The following DNAH6 variants were observed in gnomAD, a reference collection of about 807,000 sequenced individuals.
DNAH6 encodes dynein axonemal heavy chain 6.
Under a neutral mutation model 491.4 loss-of-function variants are expected in DNAH6, and 340 were observed. The observed-to-expected ratio is 0.69, with a 90% CI of 0.63 to 0.76. DNAH6 has a LOEUF of 0.76. DNAH6 is among the 30% of genes least tolerant of loss of function. The pLI is 0.00. For synonymous variants in DNAH6, 1,603 were observed against 1,686.1 expected, an observed-to-expected ratio of 0.95 and a Z score of 1.21; for missense variants, 4,443 against 4,972.2, an observed-to-expected ratio of 0.89 and a Z score of 3.20.
chr2:84,683,476 G>T (rs1364400072), intron 42 of DNAH6, among the ~76,000 whole-genome samples: 1 of 144,894 alleles, frequency 6.9e-6, no homozygotes, highest in African/African-American at 2.6e-5. Flanking sequence ...AGGCTGGAGT[G>T]CAGTGGCGTG....
intron 49 of DNAH6, among the ~76,000 whole-genome samples, chr2:84,702,861 C>T (rs1257916519): frequency 6.6e-6 from 1 of 152,082 alleles, no homozygotes; most frequent in East Asian, 1.9e-4. Flanking sequence ...GACTCACCTT[C>T]GAAAAACAGT....
rs542095029 is a variant in DNAH6, at chr2:84,819,479, T to A, written c.*71T>A. On this transcript the variant is annotated 3_prime_UTR_variant, in exon 77 of 77. Coordinates refer to ENST00000389394, the MANE Select transcript of DNAH6 (RefSeq NM_001370.2). The stretch of plus-strand genomic sequence containing the variant: ...TCCTAATGGGAGCAAAAGGTTTGAA[T>A]AATTTATATGTGAGCAAAACGGTGT... 1 of 998,998 alleles carries A rather than the reference T, an allele frequency of 1.0e-6. No individual in the cohort carries two copies. The highest frequency in any genetic ancestry group is 1.6e-5 in the African/African-American group (1 of 60,622). The allele number at this position is 998,998 out of a possible 1,614,324, so 61.9% of individuals were successfully genotyped here.
the DNAH6 span, among the ~76,000 whole-genome samples, chr2:84,469,285 C>G: frequency 6.6e-6 from 1 of 152,096 alleles, no homozygotes; most frequent in African/African-American, 2.4e-5. This position sits in a 1 kb window ranked among gnomAD's most constrained non-coding sequence, Gnocchi z 4.0. Flanking sequence ...CCCTAGTGAT[C>G]CAGCTTGTTG....
chr2:84,793,344 T>A (rs983278686), intron 68 of DNAH6, among the ~76,000 whole-genome samples: 2 of 152,236 alleles, frequency 1.3e-5, no homozygotes, highest in African/African-American at 4.8e-5. Context: ...CCTTGTTTAC[T>A]CAGTTTGACC....
intron 42 of DNAH6, among the ~76,000 whole-genome samples, chr2:84,682,507 C>G (rs1693880633): frequency 1.3e-5 from 2 of 152,214 alleles, no homozygotes; most frequent in Non-Finnish European, 2.9e-5. Flanking sequence ...GCTCCCACCC[C>G]TACTCTAAGA....
chr2:84,499,727 C>T, the DNAH6 span, among the ~76,000 whole-genome samples: 19 of 152,284 alleles, frequency 1.2e-4, no homozygotes, highest in South Asian at 3.7e-3. Context: ...GGGATATAAG[C>T]CATTTTCACT....
At chr2:84,678,459 T>A (rs900846179) in intron 41 of DNAH6, among the ~76,000 whole-genome samples, 2 of 152,182 alleles carry the variant, frequency 1.3e-5, no homozygotes, top group African/African-American at 4.8e-5. Context: ...GTGAGGGGTG[T>A]CTCAAGAAAC....
chr2:84,808,524 C>T lies in DNAH6; in HGVS notation c.11721C>T (p.Asn3907=). 1 of 1,551,754 alleles carries T rather than the reference C, an allele frequency of 6.4e-7. No homozygotes were observed. Among genetic ancestry groups the T allele is most frequent in the Non-Finnish European group, 8.7e-7 (1 of 1,146,970 alleles). The part of the protein sequence containing the change: ...VLGQEVDRFN[N]LLKLIHTSLE... ...GACAGGAAGTGGACCGGTTTAACAA[C>T]CTGCTGAAGTTAATTCATGTATGAG... is the stretch of plus-strand genomic sequence containing the variant. Residue 3907 remains asparagine, a synonymous_variant, in exon 72 of 77, where the codon AAC becomes AAT. Transcript: ENST00000389394.
chr2:84,668,204 C>T (rs1692361231), intron 37 of DNAH6, among the ~76,000 whole-genome samples: 1 of 151,996 alleles, frequency 6.6e-6, no homozygotes, highest in African/African-American at 2.4e-5. Context: ...TAAACTTGCA[C>T]GTTGTGCACA....
chr2:84,793,873 T>C (rs1678033538), intron 68 of DNAH6, among the ~76,000 whole-genome samples: 1 of 152,138 alleles, frequency 6.6e-6, no homozygotes, highest in Non-Finnish European at 1.5e-5. Flanking sequence ...AAGAAATAAA[T>C]TATTGAGATT....
In DNAH6 at chr2:84,557,757, A is replaced by G. The variant is rs1472132129; in HGVS notation, c.1625A>G (p.Asn542Ser). The change falls in exon 11 of 77, where the codon AAT becomes AGT. Residue 542 changes from asparagine (N) to serine (S), a missense_variant. Around this residue, in one of 3 missense-constraint regions of DNAH6, gnomAD observed 2,977 missense variants for 3,296.6 expected, o/e 0.90. Transcript: ENST00000389394. ...CAGGATGGTATTTTGGGTGCAGTTA[A>G]TCACTGTCAAAACACTGTGTTATCA... ...DFLDGILGAV[N>S]HCQNTVLSVP... 1.2e-6 allele frequency: 2 copies of G among 1,601,292 alleles called. No homozygotes were observed. Among genetic ancestry groups the G allele is most frequent in the African/African-American group, 1.3e-5 (1 of 74,458 alleles).
chr2:84,642,090 A>G (rs1460136733), intron 33 of DNAH6, 36 bp downstream of exon 33: 10 of 1,358,262 alleles, frequency 7.4e-6, no homozygotes, highest in Non-Finnish European at 1.0e-5. Context: ...AAGCATGGCT[A>G]TCACGTAGAG....
intron 4 of DNAH6, among the ~76,000 whole-genome samples, chr2:84,540,656 A>C (rs974881857): frequency 6.6e-6 from 1 of 152,288 alleles, no homozygotes; most frequent in Non-Finnish European, 1.5e-5. Context: ...TTGACCTACC[A>C]CAAGGGCCCC....
chr2:84,510,220 C>T, the DNAH6 span, among the ~76,000 whole-genome samples: 3 of 152,164 alleles, frequency 2.0e-5, no homozygotes, highest in Non-Finnish European at 2.9e-5. Flanking sequence ...AAAAATCAGA[C>T]GTAGATTTGG....
rs1466897343 is a variant in DNAH6, at chr2:84,816,054, G to A, written c.12344G>A (p.Gly4115Glu). ...TLYHCPLYKT[G>E]ARAGTLSTTG... is the part of the protein sequence containing the mutation. ...TACCACTGCCCACTTTATAAAACAG[G>A]AGCCCGGGCAGGAACACTCTCAACC... The change falls in exon 76 of 77, where the codon GGA (glycine) becomes GAA (glutamate). Residue 4115 changes from glycine to glutamate, a missense_variant. Around this residue, in one of 3 missense-constraint regions of DNAH6, gnomAD observed 1,463 missense variants for 1,656.6 expected, o/e 0.88. Transcript: ENST00000389394. 6.4e-7 allele frequency: 1 copy of A among 1,551,500 alleles called. No homozygotes were observed. The highest frequency in any genetic ancestry group is 8.7e-7 in the Non-Finnish European group (1 of 1,146,932).
chr2:84,784,150 G>A (rs1676957681), intron 65 of DNAH6, among the ~76,000 whole-genome samples: 1 of 152,186 alleles, frequency 6.6e-6, no homozygotes, highest in Non-Finnish European at 1.5e-5. Flanking sequence ...TTGGCCTTTT[G>A]AACCTACAGT....
the DNAH6 span, among the ~76,000 whole-genome samples, chr2:84,476,881 C>G: frequency 1.3e-5 from 2 of 152,198 alleles, no homozygotes; most frequent in African/African-American, 4.8e-5. Context: ...TTCACTTTGT[C>G]CTGTTGTTAC....
chr2:84,570,894 C>A (rs187670760), intron 11 of DNAH6, among the ~76,000 whole-genome samples: 1 of 152,250 alleles, frequency 6.6e-6, no homozygotes, highest in Non-Finnish European at 1.5e-5. Context: ...GGAAGGTCTG[C>A]GGCTTCACTA....
chr2:84,602,797 G>GTTTTTTTTTTTTTTTTT, intron 18 of DNAH6, among the ~76,000 whole-genome samples: 1 of 121,864 alleles, frequency 8.2e-6, no homozygotes, highest in Non-Finnish European at 1.6e-5. Flanking sequence ...TGGATGCTCT[G>GTTTTTTTTTTTTTTTTT]TTTTTTTTTT....
Sources: gnomAD v4.1 joint callset for allele counts (sites outside exome capture counted in the v4.1 genomes callset) on GRCh38, gnomAD v4.1.1 for gene constraint, gnomAD v4.1.1 regional missense constraint, Gnocchi (gnomAD v3.1) non-coding constraint, MANE v1.5 for transcripts, NCBI Gene and HGNC (gene_info 2026-07-23, HGNC 2026-07-21) for gene names.